ZEB1: variants seen among roughly 807,000 people sequenced by gnomAD.
ZEB1 encodes zinc finger E-box binding homeobox 1.
A neutral mutation model predicts 84.9 loss-of-function variants in ZEB1; 21 were observed. The observed-to-expected ratio is 0.25, with a 90% confidence interval of 0.18 to 0.36. The LOEUF (loss-of-function observed/expected upper bound fraction) is 0.36, where lower values mean the gene tolerates loss of function less well. Ranked by LOEUF, ZEB1 falls within the 10% of genes least tolerant of loss-of-function variation. The probability of loss-of-function intolerance (pLI) is 1.00; values close to 1 mark genes in which losing one functional copy is unlikely to be tolerated. For synonymous variants in ZEB1, 420 were observed against 471.1 expected, an observed-to-expected ratio of 0.89 and a Z score of 1.41; for missense variants, 1,104 against 1,330.2, an observed-to-expected ratio of 0.83 and a Z score of 2.65.
chr10:31,471,222 TTAAATG>T (rs1356606002), intron 2 of ZEB1, among the ~76,000 whole-genome samples: 1 of 117,392 alleles, frequency 8.5e-6, no homozygotes, highest in African/African-American at 3.4e-5. Context: ...AATATTAACT[TTAAATG>T]TAAATGGACT....
At chr10:31,348,562 T>C (rs2040741813) in intron 1 of ZEB1, among the ~76,000 whole-genome samples, 1 of 151,790 alleles carries the variant, frequency 6.6e-6, no homozygotes, top group Non-Finnish European at 1.5e-5. Context: ...AGACTCGGTC[T>C]CAAAAAATAA....
rs1017272395 is a variant in ZEB1, at chr10:31,454,723, C to T, written c.59-6314C>T. On this transcript the variant is annotated intron_variant, in intron 1 of 8. Transcript: ENST00000424869. ...TTACAAGGGATGTGAAGGACCTCTTCAAGGAGAACTACAAACCACTTCTCA... is the reference window on the plus strand; with the variant it reads ...TTACAAGGGATGTGAAGGACCTCTTTAAGGAGAACTACAAACCACTTCTCA... Among the ~76,000 whole-genome samples, 5 of 152,112 alleles carry T rather than the reference C, an allele frequency of 3.3e-5. No individual in the cohort carries two copies. In the East Asian group the frequency reaches 9.6e-4, roughly 29 times the overall value.
chr10:31,498,556 C>T (rs888000395), intron 3 of ZEB1, among the ~76,000 whole-genome samples: 1 of 152,102 alleles, frequency 6.6e-6, no homozygotes, highest in East Asian at 1.9e-4. Context: ...CTAATTCTTA[C>T]AACAACCCTA....
chr10:31,518,753 C>G (rs1387974136), intron 6 of ZEB1, among the ~76,000 whole-genome samples: 62 of 152,078 alleles, frequency 4.1e-4, no homozygotes, highest in Non-Finnish European at 4.4e-5. Context: ...CCTAACTCCC[C>G]TTTTATTAAA....
At chr10:31,514,731 T>C (rs754989467) in intron 6 of ZEB1, 23 bp downstream of exon 6, 2 of 1,535,934 alleles carry the variant, frequency 1.3e-6, no homozygotes, top group Non-Finnish European at 1.8e-6. Flanking sequence ...TTTCTTTCTA[T>C]ACCCTGAATA....
chr10:31,454,446 G>A (rs1411834840), intron 1 of ZEB1, among the ~76,000 whole-genome samples: 1 of 152,088 alleles, frequency 6.6e-6, no homozygotes. Context: ...AAGAAATAAA[G>A]GGTATTCAAA....
At position 31,527,588 on chromosome 10, in the gene ZEB1, G is replaced by T; in HGVS notation, c.*324G>T. 6.6e-6 allele frequency: 2 copies of T among 301,692 alleles called. No homozygotes were observed. The highest frequency in any genetic ancestry group is 1.2e-5 in the Non-Finnish European group (2 of 161,470). 18.7% of individuals were successfully genotyped at this position (301,692 alleles called of 1,614,324 possible). ...GAGAGCAACAATACAAGAGGTTAAA[G>T]GAAGCTGATTAATTAGATATGCATC... On this transcript the variant is annotated 3_prime_UTR_variant, in exon 9 of 9. Transcript: ENST00000424869.
At chr10:31,409,512 A>G (rs1437085937) in intron 1 of ZEB1, among the ~76,000 whole-genome samples, 4 of 150,312 alleles carry the variant, frequency 2.7e-5, no homozygotes, top group Middle Eastern at 3.4e-3. Context: ...TTGGTTCCGT[A>G]TGAAGTTTAA....
intron 2 of ZEB1, among the ~76,000 whole-genome samples, chr10:31,486,902 T>G (rs2065833646): frequency 6.6e-6 from 1 of 151,580 alleles, no homozygotes; most frequent in Non-Finnish European, 1.5e-5. Context: ...CTTCACCTTT[T>G]TATTAGGGCT....
chr10:31,321,226 G>A lies in ZEB1; in HGVS notation c.58+1934G>A, dbSNP rs2033952261. 2.1e-5 allele frequency: 25 copies of A among 1,186,422 alleles called. No individual in the cohort carries two copies. The South Asian group carries it at 5.6e-4, about 26-fold the overall frequency. The allele number at this position is 1,186,422 out of a possible 1,614,324, so 73.5% of individuals were successfully genotyped here. ...GTGTGGGATTTCCTGTCTAGAAGCA[G>A]ATACGAAGATTTTTAAGCTGTTTCA... is the stretch of plus-strand genomic sequence containing the variant. On this transcript the variant is annotated intron_variant, in intron 1 of 8. Coordinates refer to ENST00000424869, the MANE Select transcript of ZEB1 (RefSeq NM_001174096.2).
intron 2 of ZEB1, among the ~76,000 whole-genome samples, chr10:31,478,145 C>T (rs2064512496): frequency 1.3e-5 from 2 of 151,834 alleles, no homozygotes; most frequent in African/African-American, 4.8e-5. Flanking sequence ...CTACAATGAA[C>T]CCAAATAACT....
intron 1 of ZEB1, among the ~76,000 whole-genome samples, chr10:31,408,654 C>A (rs1409210350): frequency 2.1e-5 from 3 of 144,682 alleles, no homozygotes; most frequent in Non-Finnish European, 4.5e-5. Flanking sequence ...AAAGGATTCC[C>A]TATTTAATAA....
At chr10:31,440,178 G>A (rs190984319) in intron 1 of ZEB1, among the ~76,000 whole-genome samples, 2 of 152,244 alleles carry the variant, frequency 1.3e-5, no homozygotes, top group Admixed American at 1.3e-4. Flanking sequence ...CTTTTGGCCT[G>A]AACAACTGGA....
chr10:31,443,875 G>A (rs1255966035), intron 1 of ZEB1, among the ~76,000 whole-genome samples: 12 of 151,144 alleles, frequency 7.9e-5, no homozygotes, highest in East Asian at 1.9e-4. Flanking sequence ...ATAAACATAC[G>A]TGTGCATGTG....
intron 1 of ZEB1, among the ~76,000 whole-genome samples, chr10:31,347,257 C>A (rs1479367771): frequency 6.6e-6 from 1 of 152,184 alleles, no homozygotes; most frequent in Admixed American, 6.5e-5. Context: ...TAACTGCCAC[C>A]TGTTTAAAAT....
At chr10:31,374,032 G>C (rs542038395) in intron 1 of ZEB1, among the ~76,000 whole-genome samples, 228 of 151,818 alleles carry the variant, frequency 1.5e-3, no homozygotes, top group African/African-American at 5.3e-3. Flanking sequence ...TAGGATCTTA[G>C]CAAGTTTGAA....
At chr10:31,320,845 G>A (rs1039083581) in intron 1 of ZEB1, 1 of 152,430 alleles carries the variant, frequency 6.6e-6, no homozygotes, top group Non-Finnish European at 1.5e-5. Flanking sequence ...GGCGGCGGGA[G>A]CGCAGGGAGA....
At chr10:31,377,087 CTTT>C (rs1193120000) in intron 1 of ZEB1, among the ~76,000 whole-genome samples, 11 of 107,158 alleles carry the variant, frequency 1.0e-4, no homozygotes, top group Non-Finnish European at 1.8e-4. Context: ...AACCTAGTGT[CTTT>C]TTTTTTTTTT....
At chr10:31,330,340 A>G (rs535087574) in intron 1 of ZEB1, among the ~76,000 whole-genome samples, 1 of 152,308 alleles carries the variant, frequency 6.6e-6, no homozygotes, top group South Asian at 2.1e-4. Context: ...TTTAACTGAG[A>G]GTGAGTACAT....
Sources: gnomAD v4.1 joint callset for allele counts (sites outside exome capture counted in the v4.1 genomes callset) on GRCh38, gnomAD v4.1.1 for gene constraint, MANE v1.5 for transcripts, NCBI Gene and HGNC (gene_info 2026-07-23, HGNC 2026-07-21) for gene names.